USO1: variants seen among roughly 807,000 people sequenced by gnomAD.
USO1 encodes the protein USO1 vesicle transport factor.
USO1 carries 57 observed loss-of-function variants against 124.5 expected under a neutral mutation model. That is an observed-to-expected ratio of 0.46 (90% CI 0.37 to 0.57). The LOEUF is 0.57. USO1 is among the 20% of genes least tolerant of loss of function. The pLI is 0.00. For missense variants in USO1, 900 were observed against 1,040.6 expected (o/e 0.86, Z 1.86); for synonymous variants, 369 against 362.8 (o/e 1.02, Z -0.19).
rs200526658 is a variant in USO1, at chr4:75,787,192, T to C, written c.986T>C (p.Ile329Thr). 1.0e-4 allele frequency: 157 copies of C among 1,542,742 alleles called. No homozygotes were observed. The highest frequency in any genetic ancestry group is 1.6e-4 in the South Asian group (13 of 79,824). ...ATGGCTACTGGGGTTCCTGCTGATA[T>C]CCTGACTGAGGTAAAGCAAATGAAG... is the stretch of plus-strand genomic sequence containing the variant. ...ILMATGVPAD[I>T]LTETINTVSE... The change falls in exon 10 of 24, where the codon ATC becomes ACC. Residue 329 changes from isoleucine (I) to threonine (T), a missense_variant. Coordinates refer to ENST00000514213, the MANE Select transcript of USO1 (RefSeq NM_003715.4).
chr4:75,774,603 G>T (rs1242709768), intron 7 of USO1, 73 bp from the exon 8 acceptor site: 2 of 1,507,624 alleles, frequency 1.3e-6, no homozygotes, highest in Non-Finnish European at 1.8e-6. Context: ...CTAAAATTCT[G>T]TGATTTTTGA....
chr4:75,766,488 T>C (rs1458820331), intron 4 of USO1, among the ~76,000 whole-genome samples: 1 of 152,202 alleles, frequency 6.6e-6, no homozygotes, highest in Non-Finnish European at 1.5e-5. Flanking sequence ...AGAGTGCTAC[T>C]GCGTCTAGTG....
intron 11 of USO1, 76 bp from the exon 12 acceptor site, chr4:75,790,567 C>T (rs1381365662): frequency 6.6e-7 from 1 of 1,516,630 alleles, no homozygotes; most frequent in Non-Finnish European, 8.8e-7. Flanking sequence ...CTTCAATCAA[C>T]AAAAATGACT....
At chr4:75,800,281 G>A (rs1410308607) in intron 14 of USO1, 70 bp from the exon 15 acceptor site, 1 of 1,491,852 alleles carries the variant, frequency 6.7e-7, no homozygotes, top group Non-Finnish European at 9.0e-7. Flanking sequence ...AAGTATTAAT[G>A]TATGTCAAAT....
intron 23 of USO1, 89 bp downstream of exon 23, chr4:75,812,464 G>A (rs1050599228): frequency 1.6e-5 from 23 of 1,475,020 alleles, no homozygotes; most frequent in Non-Finnish European, 2.1e-5. Flanking sequence ...GAAAAGTTGT[G>A]CCTGTATTAT....
intron 1 of USO1, among the ~76,000 whole-genome samples, chr4:75,730,631 T>C (rs1028942019): frequency 1.3e-5 from 2 of 152,162 alleles, no homozygotes; most frequent in Non-Finnish European, 2.9e-5. Context: ...TATACATTTG[T>C]TGATACCAAA....
At chr4:75,795,497 A>G (rs1179114050) in intron 13 of USO1, 2 of 636,852 alleles carry the variant, frequency 3.1e-6, no homozygotes, top group Non-Finnish European at 5.6e-6. Flanking sequence ...CAGCCAATTT[A>G]TTTCTATTGT....
In USO1 at chr4:75,727,821, G is replaced by A. The variant is rs1720507595; in HGVS notation, c.66+2936G>A. Among the ~76,000 whole-genome samples, 4 of 152,054 alleles carry A rather than the reference G, an allele frequency of 2.6e-5. No individual in the cohort carries two copies. The South Asian group carries it at 8.3e-4, about 32-fold the overall frequency. The stretch of plus-strand genomic sequence containing the variant: ...TCTTTTCTTTGTCTGAATTAGACCT[G>A]TTATTTAAATTCATCATCAGCGCCT... On this transcript the variant is annotated intron_variant, in intron 1 of 23. Transcript: ENST00000514213.
chr4:75,741,852 C>T (rs1335227285), intron 1 of USO1, among the ~76,000 whole-genome samples: 2 of 152,004 alleles, frequency 1.3e-5, no homozygotes, highest in Admixed American at 6.6e-5. Flanking sequence ...GATTCGGCCT[C>T]CCAAAGTGCT....
chr4:75,763,514 A>G (rs745407743), intron 4 of USO1, among the ~76,000 whole-genome samples: 3 of 152,118 alleles, frequency 2.0e-5, no homozygotes, highest in Non-Finnish European at 4.4e-5. Context: ...AACCTATGAT[A>G]TTTTCAGTTT....
intron 1 of USO1, among the ~76,000 whole-genome samples, chr4:75,742,522 TTACC>T (rs1211634729): frequency 3.9e-5 from 6 of 152,248 alleles, no homozygotes; most frequent in African/African-American, 1.4e-4. Flanking sequence ...TTCTGTAATC[TTACC>T]TATCTTCACT....
chr4:75,735,326 G>C (rs186356775), intron 1 of USO1, among the ~76,000 whole-genome samples: 94 of 152,152 alleles, frequency 6.2e-4, no homozygotes, highest in African/African-American at 2.1e-3. Context: ...ATCAGCTCTA[G>C]GTGCCTTTTA....
At chr4:75,750,539 A>G (rs1242625610) in intron 1 of USO1, among the ~76,000 whole-genome samples, 1 of 151,926 alleles carries the variant, frequency 6.6e-6, no homozygotes, top group Non-Finnish European at 1.5e-5. Flanking sequence ...GCTGGAGTGT[A>G]GTGGTGCGAT....
intron 9 of USO1, among the ~76,000 whole-genome samples, chr4:75,785,175 T>C (rs1722324355): frequency 6.6e-6 from 1 of 152,202 alleles, no homozygotes; most frequent in Non-Finnish European, 1.5e-5. Flanking sequence ...AAATGCATCA[T>C]TGTTTTCCTG....
chr4:75,739,964 G>C (rs1284274128), intron 1 of USO1, among the ~76,000 whole-genome samples: 1 of 152,124 alleles, frequency 6.6e-6, no homozygotes, highest in African/African-American at 2.4e-5. Context: ...TGTATATTAT[G>C]TAAGCATCAC....
At chr4:75,770,947 A>G in intron 6 of USO1, 23 bp downstream of exon 6, 1 of 1,600,404 alleles carries the variant, frequency 6.2e-7, no homozygotes, top group Non-Finnish European at 8.5e-7. Flanking sequence ...TCTTTTTTAT[A>G]TTATTTTGAT....
At position 75,759,246 on chromosome 4, in the gene USO1, C is replaced by CTTTTTT. The variant is rs71208100; in HGVS notation, c.295+1686_295+1691dup. Among the ~76,000 whole-genome samples, 12 of 69,122 alleles carry CTTTTTT rather than the reference C, an allele frequency of 1.7e-4. 3 individuals carry two copies. Among genetic ancestry groups the CTTTTTT allele is most frequent in the African/African-American group, 2.6e-4 (4 of 15,524 alleles). The allele number at this position is 69,122 out of a possible 152,430, so 45.3% of individuals were successfully genotyped here. ...TAATAGAATCACTTTTATTAAGGAC[C>CTTTTTT]TTTTTTTTTTTTTTTTTTCTGAAAA... is the stretch of plus-strand genomic sequence containing the variant. On this transcript the variant is annotated intron_variant, in intron 4 of 23. Transcript: ENST00000514213.
intron 4 of USO1, among the ~76,000 whole-genome samples, chr4:75,766,548 T>C (rs1721774567): frequency 6.6e-6 from 1 of 152,172 alleles, no homozygotes; most frequent in African/African-American, 2.4e-5. Flanking sequence ...GAGGAGGTCA[T>C]ACAACAAAGA....
chr4:75,726,220 A>ACGGTGAGCAGAGAT (rs199901058), intron 1 of USO1, among the ~76,000 whole-genome samples: 3,020 of 149,362 alleles, frequency 0.02, 112 homozygotes, highest in African/African-American at 0.072. Context: ...GGCGGAGGTT[A>ACGGTGAGCAGAGAT]CGGTGAGCAG....
Sources: gnomAD v4.1 joint callset for allele counts (sites outside exome capture counted in the v4.1 genomes callset) on GRCh38, gnomAD v4.1.1 for gene constraint, MANE v1.5 for transcripts, NCBI Gene and HGNC (gene_info 2026-07-23, HGNC 2026-07-21) for gene names.